The following SEMA3E variants were observed in gnomAD, a reference collection of about 807,000 sequenced individuals.
SEMA3E encodes semaphorin 3E.
Under a neutral mutation model 93.6 loss-of-function variants are expected in SEMA3E, and 49 were observed. The ratio of observed to expected loss-of-function variants is 0.52; its 90% CI spans 0.42 to 0.66. SEMA3E has a LOEUF of 0.66. SEMA3E is among the 30% of genes least tolerant of loss of function. The pLI is 0.00. For synonymous variants in SEMA3E, 363 were observed against 330.7 expected (o/e 1.10, Z -1.06); for missense variants, 906 against 964.8 (o/e 0.94, Z 0.81).
chr7:83,632,695 T>C (rs1392824695), intron 1 of SEMA3E, among the ~76,000 whole-genome samples: 1 of 152,180 alleles, frequency 6.6e-6, no homozygotes, highest in Non-Finnish European at 1.5e-5. Context: ...TGAACTAATA[T>C]ACTATCTTTA....
In SEMA3E at chr7:83,530,179, C is replaced by T. The variant is rs114501967; in HGVS notation, c.116-39905G>A. The stretch of plus-strand genomic sequence containing the variant: ...GTTTACTATAAGGTTCCTGCTACTA[C>T]TCTAAGGCCTTTAACCTTGCTTATT... On this transcript the variant is annotated intron_variant, in intron 1 of 16. Coordinates refer to ENST00000643230, the MANE Select transcript of SEMA3E (RefSeq NM_012431.3). Among the ~76,000 whole-genome samples, 1,059 of 152,238 alleles carry T rather than the reference C, an allele frequency of 7.0e-3. 15 individuals are homozygous for T. Among genetic ancestry groups the T allele is most frequent in the African/African-American group, 0.024 (1,008 of 41,558 alleles).
intron 2 of SEMA3E, among the ~76,000 whole-genome samples, chr7:83,480,258 T>C (rs1584277486): frequency 6.6e-6 from 1 of 152,136 alleles, no homozygotes; most frequent in Non-Finnish European, 1.5e-5. Context: ...CTGGCCAACA[T>C]GGTGAAACTG....
At chr7:83,533,057 G>A (rs1263549210) in intron 1 of SEMA3E, among the ~76,000 whole-genome samples, 1 of 144,322 alleles carries the variant, frequency 6.9e-6, no homozygotes, top group Non-Finnish European at 1.5e-5. Flanking sequence ...CCAAAACACT[G>A]TGTCATCACA....
chr7:83,553,669 T>C (rs1040688126), intron 1 of SEMA3E, among the ~76,000 whole-genome samples: 6 of 152,174 alleles, frequency 3.9e-5, no homozygotes, highest in African/African-American at 1.4e-4. Context: ...CTAACTAGGG[T>C]TAACTAAAAG....
chr7:83,425,008 G>A (rs1788741172), intron 4 of SEMA3E: 1 of 213,766 alleles, frequency 4.7e-6, no homozygotes, highest in Non-Finnish European at 1.0e-5. Flanking sequence ...TCCCTTGAAG[G>A]AGGGTGGATG....
At chr7:83,391,600 A>C (rs940055345) in intron 14 of SEMA3E, among the ~76,000 whole-genome samples, 3 of 151,664 alleles carry the variant, frequency 2.0e-5, no homozygotes, top group Admixed American at 1.3e-4. Flanking sequence ...TTATTATATC[A>C]TTTTTTTAAA....
chr7:83,638,884 G>A (rs940138851), intron 1 of SEMA3E, among the ~76,000 whole-genome samples: 1 of 151,650 alleles, frequency 6.6e-6, no homozygotes, highest in Admixed American at 6.6e-5. Context: ...GGCCGAGGCG[G>A]GCGGATCACG....
At chr7:83,634,557 A>G (rs1045091297) in intron 1 of SEMA3E, among the ~76,000 whole-genome samples, 2 of 151,990 alleles carry the variant, frequency 1.3e-5, no homozygotes, top group Non-Finnish European at 2.9e-5. Context: ...ACAAAATGCT[A>G]TTTCATTCTT....
At chr7:83,601,348 A>T (rs544929536) in intron 1 of SEMA3E, among the ~76,000 whole-genome samples, 1 of 152,222 alleles carries the variant, frequency 6.6e-6, no homozygotes, top group Non-Finnish European at 1.5e-5. Flanking sequence ...GTAGCAGTCA[A>T]TGAAAACCAC....
Position 83,390,071 on chromosome 7 carries a change from G to A in SEMA3E, c.1667+2484C>T, listed in dbSNP as rs1170763285. ...CGCGTATACGTGTGCACATATATGC[G>A]CGTATACGTGTGCACATATATGCGC... On this transcript the variant is annotated intron_variant, in intron 14 of 16. Transcript: ENST00000643230. 5.5e-5 allele frequency among the ~76,000 whole-genome samples: 3 copies of A among 55,034 alleles called. 1 individual carries two copies. Among genetic ancestry groups the A allele is most frequent in the South Asian group, 7.4e-4 (1 of 1,354 alleles). 36.1% of individuals were successfully genotyped at this position (55,034 alleles called of 152,430 possible). A position where few individuals can be genotyped will look rare whatever the true frequency, so the allele number is the denominator to read the frequency against.
chr7:83,511,968 T>C (rs753632279), intron 1 of SEMA3E, among the ~76,000 whole-genome samples: 27 of 152,160 alleles, frequency 1.8e-4, no homozygotes, highest in Non-Finnish European at 7.4e-5. Flanking sequence ...TTGCAACATA[T>C]GAAAAGTATT....
chr7:83,494,071 C>T (rs907313518), intron 1 of SEMA3E, among the ~76,000 whole-genome samples: 8 of 151,546 alleles, frequency 5.3e-5, no homozygotes, highest in African/African-American at 1.9e-4. Context: ...TTGCCTCTTT[C>T]CAAAAAGGAT....
At chr7:83,466,374 A>C (rs1157809828) in intron 4 of SEMA3E, 108 bp downstream of exon 4, 9 of 1,334,936 alleles carry the variant, frequency 6.7e-6, no homozygotes, top group African/African-American at 1.4e-5. Flanking sequence ...GATTCAGTAC[A>C]TCGCAAATGC....
intron 4 of SEMA3E, among the ~76,000 whole-genome samples, chr7:83,460,586 AG>A (rs1358567822): frequency 6.6e-6 from 1 of 150,530 alleles, no homozygotes; most frequent in East Asian, 2.0e-4. Flanking sequence ...GAAAGGGGCA[AG>A]TACCCCAACC....
intron 14 of SEMA3E, among the ~76,000 whole-genome samples, chr7:83,389,101 T>C (rs1023680538): frequency 3.9e-5 from 6 of 152,036 alleles, no homozygotes; most frequent in Non-Finnish European, 5.9e-5. Flanking sequence ...GCCACATGTA[T>C]CATTCTACTG....
At chr7:83,433,295 A>G (rs1043032476) in intron 4 of SEMA3E, among the ~76,000 whole-genome samples, 17 of 152,142 alleles carry the variant, frequency 1.1e-4, no homozygotes, top group African/African-American at 4.1e-4. Context: ...GGTTGTTTCA[A>G]ACTAATAGTT....
chr7:83,415,315 C>A (rs1253493233), intron 5 of SEMA3E, among the ~76,000 whole-genome samples: 1 of 151,968 alleles, frequency 6.6e-6, no homozygotes, highest in South Asian at 2.1e-4. Context: ...GAAAACTTGG[C>A]CAAACATGCA....
chr7:83,490,917 T>C, intron 1 of SEMA3E, among the ~76,000 whole-genome samples: 1 of 152,110 alleles, frequency 6.6e-6, no homozygotes, highest in Admixed American at 6.6e-5. Context: ...AAACCTCTCA[T>C]GTGTGTGCAT....
intron 16 of SEMA3E, among the ~76,000 whole-genome samples, chr7:83,373,587 C>T (rs921592317): frequency 3.9e-5 from 6 of 151,946 alleles, no homozygotes; most frequent in South Asian, 2.1e-4. Flanking sequence ...TATCACACTA[C>T]GTGGAGAAGA....
Sources: allele counts gnomAD v4.1 joint callset (sites outside exome capture counted in the v4.1 genomes callset), GRCh38; gene constraint gnomAD v4.1.1; transcripts MANE v1.5; gene names NCBI Gene and HGNC (gene_info 2026-07-23, HGNC 2026-07-21).